The following BLTP3A variants were observed in gnomAD, a reference collection of about 807,000 sequenced individuals.
BLTP3A encodes ICBP90 binding protein 1.
chr6:34,805,700 A>G, the BLTP3A span, among the ~76,000 whole-genome samples: 1 of 144,794 alleles, frequency 6.9e-6, no homozygotes, highest in African/African-American at 2.6e-5. Context: ...CCAGGAGTTC[A>G]AGACCAGCCT....
chr6:34,793,217 T>C, the BLTP3A span, among the ~76,000 whole-genome samples: 1 of 152,214 alleles, frequency 6.6e-6, no homozygotes, highest in Non-Finnish European at 1.5e-5. Flanking sequence ...CGTGTTGCGA[T>C]TGCAGGTTGT....
At chr6:34,857,771 A>G in the BLTP3A span, 3 of 1,614,166 alleles carry the variant, frequency 1.9e-6, no homozygotes, top group Non-Finnish European at 2.5e-6. Flanking sequence ...GACATTTACT[A>G]TGGATCCTGT....
the BLTP3A span, chr6:34,792,222 C>A: frequency 6.5e-7 from 1 of 1,532,702 alleles, no homozygotes; most frequent in Non-Finnish European, 8.8e-7. Context: ...GCCGGCCCAC[C>A]CGCCTTCCAC....
At chr6:34,864,727 GGAGGCCGAGGCGGGTGGATCACTT>G in the BLTP3A span, among the ~76,000 whole-genome samples, 8 of 152,134 alleles carry the variant, frequency 5.3e-5, no homozygotes, top group African/African-American at 1.9e-4. Flanking sequence ...CAGCACTTTG[GGAGGCCGAGGCGGGTGGATCACTT>G]GAGGTCGAGA....
At chr6:34,814,124 C>T in the BLTP3A span, among the ~76,000 whole-genome samples, 1 of 152,182 alleles carries the variant, frequency 6.6e-6, no homozygotes, top group Non-Finnish European at 1.5e-5. Flanking sequence ...TCAAGCAATT[C>T]TTGTGCCTCA....
the BLTP3A span, chr6:34,872,684 T>C: frequency 2.2e-5 from 8 of 361,022 alleles, no homozygotes; most frequent in Non-Finnish European, 3.4e-5. Context: ...AAGCATCATG[T>C]CTTGCCTGTA....
At chr6:34,803,822 T>G in the BLTP3A span, among the ~76,000 whole-genome samples, 1 of 152,088 alleles carries the variant, frequency 6.6e-6, no homozygotes, top group African/African-American at 2.4e-5. Flanking sequence ...GAATACTAGT[T>G]AATCCAAGCT....
the BLTP3A span, chr6:34,876,996 T>C: frequency 6.5e-6 from 1 of 152,768 alleles, no homozygotes; most frequent in South Asian, 2.1e-4. Context: ...AAAAAATTCC[T>C]GTTAATGCTG....
the BLTP3A span, among the ~76,000 whole-genome samples, chr6:34,828,644 TG>T: frequency 6.6e-6 from 1 of 152,084 alleles, no homozygotes; most frequent in Non-Finnish European, 1.5e-5. Context: ...CTGTTAAACA[TG>T]GTTCAGCAAT....
At chr6:34,823,472 T>C in the BLTP3A span, 1 of 720,654 alleles carries the variant, frequency 1.4e-6, no homozygotes, top group South Asian at 1.7e-5. Flanking sequence ...GAAAATGGTA[T>C]AAGAACCTCC....
At chr6:34,795,404 G>GTTT in the BLTP3A span, among the ~76,000 whole-genome samples, 1 of 138,602 alleles carries the variant, frequency 7.2e-6, no homozygotes. Flanking sequence ...TTTGTTTTTT[G>GTTT]TTTTTTTTTT....
the BLTP3A span, among the ~76,000 whole-genome samples, chr6:34,861,275 G>A: frequency 2.4e-4 from 36 of 151,834 alleles, no homozygotes; most frequent in African/African-American, 8.7e-4. Context: ...ACAGGCATGC[G>A]CCACCACGCC....
chr6:34,847,921 C>CTTTCTTTCT, the BLTP3A span, among the ~76,000 whole-genome samples: 30 of 91,154 alleles, frequency 3.3e-4, 1 homozygote, highest in East Asian at 8.4e-3. Context: ...TCTTTTTTTC[C>CTTTCTTTCT]TTTTTTTTTT....
At chr6:34,853,190 G>A in the BLTP3A span, among the ~76,000 whole-genome samples, 1 of 152,094 alleles carries the variant, frequency 6.6e-6, no homozygotes. Context: ...TTTCGTTTGT[G>A]TTTTGCAACA....
At chr6:34,876,871 G>A in the BLTP3A span, 285 of 152,322 alleles carry the variant, frequency 1.9e-3, 1 homozygote, top group African/African-American at 6.4e-3. Flanking sequence ...CTTCAACAAT[G>A]AGGCTTTGCT....
At chr6:34,858,409 C>A in the BLTP3A span, 5 of 1,614,202 alleles carry the variant, frequency 3.1e-6, no homozygotes, top group Non-Finnish European at 4.2e-6. Context: ...CCTCCCTCCC[C>A]AGAGACCTAA....
the BLTP3A span, among the ~76,000 whole-genome samples, chr6:34,865,150 T>C: frequency 6.6e-6 from 1 of 152,216 alleles, no homozygotes; most frequent in Non-Finnish European, 1.5e-5. Flanking sequence ...TTCTCCTGTT[T>C]AACTGAAACA....
At chr6:34,855,824 G>A in the BLTP3A span, 3 of 1,524,718 alleles carry the variant, frequency 2.0e-6, no homozygotes, top group Non-Finnish European at 2.6e-6. Context: ...ATGCTCAGAG[G>A]GGTGCTGGAA....
the BLTP3A span, chr6:34,856,769 T>C: frequency 6.2e-7 from 1 of 1,607,056 alleles, no homozygotes; most frequent in South Asian, 1.1e-5. Context: ...TGATTCTTTT[T>C]CCCACCTTAT....
Sources: gnomAD v4.1 joint callset for allele counts (sites outside exome capture counted in the v4.1 genomes callset) on GRCh38, gnomAD v4.1.1 for gene constraint, MANE v1.5 for transcripts, NCBI Gene and HGNC (gene_info 2026-07-23, HGNC 2026-07-21) for gene names.